ABTB2: variants seen among roughly 807,000 people sequenced by gnomAD.
ABTB2 encodes ankyrin repeat and BTB domain containing 2, also known as ankyrin repeat and BTB/POZ domain-containing protein 2.
Under a neutral mutation model 104.1 loss-of-function variants are expected in ABTB2, and 56 were observed. The ratio of observed to expected loss-of-function variants is 0.54; its 90% CI spans 0.43 to 0.67. The LOEUF is 0.67. Ranked by LOEUF, ABTB2 falls within the 30% of genes least tolerant of loss-of-function variation. ABTB2 has a pLI of 0.00. For synonymous variants in ABTB2, 606 were observed against 608.2 expected (o/e 1.00, Z 0.05); for missense variants, 1,279 against 1,407.7 (o/e 0.91, Z 1.46).
intron 1 of ABTB2, among the ~76,000 whole-genome samples, chr11:34,285,635 G>A (rs1854496821): frequency 6.6e-6 from 1 of 152,102 alleles, no homozygotes; most frequent in Non-Finnish European, 1.5e-5. Flanking sequence ...GCTCTACCCT[G>A]GAGCCGTCAC....
chr11:34,188,595 T>G (rs1232230601), intron 3 of ABTB2, among the ~76,000 whole-genome samples: 2 of 152,198 alleles, frequency 1.3e-5, no homozygotes, highest in Non-Finnish European at 2.9e-5. Flanking sequence ...ACTTCCATTT[T>G]GGGTAAACAG....
chr11:34,169,963 G>C (rs116105467), intron 5 of ABTB2, among the ~76,000 whole-genome samples: 51 of 152,286 alleles, frequency 3.3e-4, no homozygotes, highest in African/African-American at 1.2e-3. Context: ...GCATTGTGCC[G>C]TCACCTCATC....
chr11:34,165,336 G>T lies in ABTB2; in HGVS notation c.1776C>A (p.Ala592=). The T allele has an allele frequency of 6.3e-7, 1 of 1,587,316 alleles. No individual in the cohort carries two copies. The highest frequency in any genetic ancestry group is 1.3e-5 in the African/African-American group (1 of 74,300). Residue 592 remains alanine, a synonymous_variant, in exon 8 of 17, where the codon GCC becomes GCA. Coordinates refer to ENST00000435224, the MANE Select transcript of ABTB2 (RefSeq NM_145804.3). ...CGTTCACTGCCGAGCCCTCGACATG[G>T]GCACCAGCATCCAGCAGCAACTGCC... is the stretch of plus-strand genomic sequence containing the variant. ...SVVQLLLDAG[A]HVEGSAVNGG...
chr11:34,347,717 A>G (rs1855349828), intron 1 of ABTB2, among the ~76,000 whole-genome samples: 2 of 152,332 alleles, frequency 1.3e-5, no homozygotes, highest in South Asian at 4.2e-4. Flanking sequence ...AGGTGGTTCC[A>G]CAATATTAAG....
intron 14 of ABTB2, among the ~76,000 whole-genome samples, chr11:34,157,898 T>A (rs76134402): frequency 1.3e-5 from 2 of 152,202 alleles, no homozygotes; most frequent in African/African-American, 4.8e-5. Context: ...AACTTGGCTG[T>A]TTTGCACATC....
Position 34,263,891 on chromosome 11 carries a change from G to A in ABTB2, c.884-59201C>T, listed in dbSNP as rs182565239. Among the ~76,000 whole-genome samples, 373 of 152,296 alleles carry A rather than the reference G, an allele frequency of 2.4e-3. 3 individuals are homozygous for A. Among genetic ancestry groups the A allele is most frequent in the African/African-American group, 8.4e-3 (351 of 41,560 alleles). On this transcript the variant is annotated intron_variant, in intron 1 of 16. Coordinates refer to ENST00000435224, the MANE Select transcript of ABTB2 (RefSeq NM_145804.3). Reference sequence around the variant, plus strand: ...GTATCTGCCATGGAGGTTGCAATTTGTGGCACGGGAGGGAGAACATAAACC... The same window carrying A: ...GTATCTGCCATGGAGGTTGCAATTTATGGCACGGGAGGGAGAACATAAACC...
chr11:34,328,322 T>C (rs944200463), intron 1 of ABTB2, among the ~76,000 whole-genome samples: 9 of 152,138 alleles, frequency 5.9e-5, no homozygotes, highest in South Asian at 2.1e-4. Context: ...GCAATGACAG[T>C]CTCTATCCAC....
intron 3 of ABTB2, among the ~76,000 whole-genome samples, chr11:34,184,313 T>A (rs1853067806): frequency 6.6e-6 from 1 of 152,174 alleles, no homozygotes. Context: ...AACAACTTCC[T>A]AGGGGAAGCA....
intron 9 of ABTB2, 127 bp from the exon 10 acceptor site, chr11:34,162,932 G>T: frequency 1.1e-6 from 1 of 885,560 alleles, no homozygotes. Flanking sequence ...GGAGTTTCAT[G>T]GTCTTCCTCC....
intron 1 of ABTB2, among the ~76,000 whole-genome samples, chr11:34,276,150 A>C (rs908437624): frequency 6.6e-5 from 10 of 152,070 alleles, no homozygotes; most frequent in African/African-American, 2.4e-4. Context: ...TGATATGCTC[A>C]AATAGAAAAA....
chr11:34,153,185 G>A, intron 16 of ABTB2, among the ~76,000 whole-genome samples: 1 of 152,164 alleles, frequency 6.6e-6, no homozygotes, highest in Non-Finnish European at 1.5e-5. Context: ...TACAGGAAAA[G>A]GGAAGTGTCA....
chr11:34,220,275 C>G lies in ABTB2; in HGVS notation c.884-15585G>C, dbSNP rs938693584. On this transcript the variant is annotated intron_variant, in intron 1 of 16. Coordinates refer to ENST00000435224, the MANE Select transcript of ABTB2 (RefSeq NM_145804.3). ...TCTCAGTGACCTACCCAGCTCCATT[C>G]CTTCTCCTTCTTGGCTGACATGCCG... is the stretch of plus-strand genomic sequence containing the variant. 1.2e-4 allele frequency among the ~76,000 whole-genome samples: 19 copies of G among 152,318 alleles called. No individual in the cohort carries two copies. The South Asian group carries it at 1.7e-3, about 13-fold the overall frequency.
At chr11:34,326,886 A>G (rs573859466) in intron 1 of ABTB2, among the ~76,000 whole-genome samples, 19 of 152,290 alleles carry the variant, frequency 1.2e-4, no homozygotes, top group African/African-American at 4.1e-4. Flanking sequence ...CCTAGGCAAC[A>G]TGGTGAAAGC....
At chr11:34,272,427 G>A (rs1854326033) in intron 1 of ABTB2, among the ~76,000 whole-genome samples, 1 of 151,882 alleles carries the variant, frequency 6.6e-6, no homozygotes, top group South Asian at 2.1e-4. Flanking sequence ...ACATTGGCAG[G>A]CCAAGCGTGG....
chr11:34,292,198 C>T (rs1655722164), intron 1 of ABTB2, among the ~76,000 whole-genome samples: 1 of 152,116 alleles, frequency 6.6e-6, no homozygotes, highest in South Asian at 2.1e-4. Context: ...CATCCTATAC[C>T]CTGCTCCCTC....
At chr11:34,256,307 C>T (rs767343970) in intron 1 of ABTB2, among the ~76,000 whole-genome samples, 1 of 152,128 alleles carries the variant, frequency 6.6e-6, no homozygotes, top group Admixed American at 6.6e-5. Flanking sequence ...CTTTCTCCCC[C>T]CTCCCTTCTG....
At chr11:34,277,857 T>G (rs73497324) in intron 1 of ABTB2, among the ~76,000 whole-genome samples, 5,512 of 139,908 alleles carry the variant, frequency 0.039, 376 homozygotes, top group African/African-American at 0.14. Context: ...CAGCCTGGAG[T>G]ACAATGGCAC....
At chr11:34,307,121 G>A (rs1225256999) in intron 1 of ABTB2, among the ~76,000 whole-genome samples, 2 of 152,020 alleles carry the variant, frequency 1.3e-5, no homozygotes, top group Non-Finnish European at 2.9e-5. Flanking sequence ...GGTATCCTAA[G>A]TCATAAGGAC....
chr11:34,349,045 T>G (rs1855368399), intron 1 of ABTB2, among the ~76,000 whole-genome samples: 1 of 152,134 alleles, frequency 6.6e-6, no homozygotes, highest in South Asian at 2.1e-4. Flanking sequence ...CTTATGTATC[T>G]CCTCCCAATC....
Sources: allele counts gnomAD v4.1 joint callset (sites outside exome capture counted in the v4.1 genomes callset), GRCh38; gene constraint gnomAD v4.1.1; transcripts MANE v1.5; gene names NCBI Gene and HGNC (gene_info 2026-07-23, HGNC 2026-07-21).